RAD51B: variants seen among roughly 807,000 people sequenced by gnomAD.
The protein encoded by RAD51B is DNA repair protein RAD51 homolog 2.
A neutral mutation model predicts 42.2 loss-of-function variants in RAD51B; 38 were observed. That is an observed-to-expected ratio of 0.90 (90% CI 0.70 to 1.18). RAD51B has a LOEUF of 1.18. RAD51B is among the 50% of genes most tolerant of loss of function. The pLI is 0.00. For synonymous variants in RAD51B, 154 were observed against 145.2 expected (o/e 1.06, Z -0.43); for missense variants, 373 against 400.7 (o/e 0.93, Z 0.59).
chr14:68,175,381 T>C (rs764978881), intron 7 of RAD51B, among the ~76,000 whole-genome samples: 12 of 152,190 alleles, frequency 7.9e-5, no homozygotes, highest in African/African-American at 2.9e-4. Context: ...ATTTTATTCA[T>C]TGTAGGCAGG....
intron 10 of RAD51B, among the ~76,000 whole-genome samples, chr14:68,523,743 C>A (rs1282994293): frequency 6.6e-6 from 1 of 152,190 alleles, no homozygotes; most frequent in Admixed American, 6.5e-5. Context: ...GAAAGTTGTC[C>A]TCCATACACA....
At chr14:68,313,471 G>T (rs115479981) in intron 8 of RAD51B, among the ~76,000 whole-genome samples, 1 of 152,144 alleles carries the variant, frequency 6.6e-6, no homozygotes, top group East Asian at 1.9e-4. Context: ...CTGGGAAGCC[G>T]CCCAACTCCC....
chr14:68,078,662 A>G (rs1049172602), intron 7 of RAD51B, among the ~76,000 whole-genome samples: 1 of 152,178 alleles, frequency 6.6e-6, no homozygotes, highest in Non-Finnish European at 1.5e-5. Context: ...TAATACTTGA[A>G]TAAGTCATTG....
intron 10 of RAD51B, among the ~76,000 whole-genome samples, chr14:68,500,822 G>C (rs1057196570): frequency 1.3e-5 from 2 of 152,164 alleles, no homozygotes; most frequent in African/African-American, 4.8e-5. Flanking sequence ...AGCTTTCCCT[G>C]CTTTGCCACA....
At chr14:68,132,427 T>C (rs2077912717) in intron 7 of RAD51B, among the ~76,000 whole-genome samples, 1 of 152,198 alleles carries the variant, frequency 6.6e-6, no homozygotes, top group Non-Finnish European at 1.5e-5. Context: ...TGGAGGCATA[T>C]GTGTTTCAAC....
intron 10 of RAD51B, chr14:68,470,607 T>C (rs932282507): frequency 2.0e-6 from 1 of 505,688 alleles, no homozygotes; most frequent in Non-Finnish European, 3.9e-6. Flanking sequence ...AATTGATGAA[T>C]CACAACCAGC....
intron 8 of RAD51B, among the ~76,000 whole-genome samples, chr14:68,359,268 A>T (rs1385607931): frequency 3.3e-5 from 5 of 152,060 alleles, no homozygotes; most frequent in Non-Finnish European, 7.4e-5. Flanking sequence ...AAAAGACATA[A>T]AGCACACCTT....
chr14:68,066,364 T>A (rs902399722), intron 7 of RAD51B, among the ~76,000 whole-genome samples: 5 of 152,204 alleles, frequency 3.3e-5, no homozygotes, highest in Admixed American at 2.6e-4. Flanking sequence ...TTTTCTGTTT[T>A]AAAATTTTTT....
At chr14:68,530,218 A>C (rs1272304484) in intron 10 of RAD51B, among the ~76,000 whole-genome samples, 1 of 152,122 alleles carries the variant, frequency 6.6e-6, no homozygotes, top group South Asian at 2.1e-4. Context: ...CAGAGGCAGG[A>C]GGATCTCTTG....
intron 7 of RAD51B, among the ~76,000 whole-genome samples, chr14:68,248,857 C>T (rs543744458): frequency 6.8e-6 from 1 of 146,554 alleles, no homozygotes; most frequent in Non-Finnish European, 1.5e-5. Context: ...GCGGACACAG[C>T]CTGCAGGCAG....
intron 7 of RAD51B, among the ~76,000 whole-genome samples, chr14:68,139,394 G>A (rs1432713888): frequency 2.6e-5 from 4 of 152,042 alleles, no homozygotes; most frequent in African/African-American, 9.7e-5. Context: ...ACTCTTAAGA[G>A]GACAGTTCTT....
intron 7 of RAD51B, among the ~76,000 whole-genome samples, chr14:68,142,572 A>G (rs1355153268): frequency 6.6e-6 from 1 of 152,210 alleles, no homozygotes; most frequent in East Asian, 1.9e-4. Flanking sequence ...AGACATCTCC[A>G]AGGCCTAAAA....
chr14:67,923,637 C>T (rs992098349), intron 7 of RAD51B, among the ~76,000 whole-genome samples: 5 of 152,168 alleles, frequency 3.3e-5, no homozygotes, highest in Admixed American at 6.5e-5. Flanking sequence ...TATTGATGGG[C>T]ATTTGGGCTG....
intron 10 of RAD51B, chr14:68,628,386 A>C (rs933317366): frequency 6.6e-6 from 1 of 152,258 alleles, no homozygotes; most frequent in African/African-American, 2.4e-5. Flanking sequence ...CCGAGCGCAC[A>C]GGTCGCCGCG....
At chr14:68,641,467 T>C (rs1892458484) in intron 10 of RAD51B, among the ~76,000 whole-genome samples, 1 of 150,978 alleles carries the variant, frequency 6.6e-6, no homozygotes, top group South Asian at 2.1e-4. Context: ...TATTGCATTA[T>C]TTAGGACTTC....
chr14:68,268,809 G>T (rs759598271), intron 7 of RAD51B, among the ~76,000 whole-genome samples: 17 of 152,206 alleles, frequency 1.1e-4, no homozygotes, highest in Middle Eastern at 3.2e-3. Context: ...ATTTAGTAGA[G>T]ATGTAATAAG....
intron 9 of RAD51B, among the ~76,000 whole-genome samples, chr14:68,438,808 G>A (rs1236700699): frequency 6.6e-6 from 1 of 152,144 alleles, no homozygotes; most frequent in African/African-American, 2.4e-5. Context: ...AGAGGAGAGG[G>A]CCCTATGGAG....
intron 7 of RAD51B, among the ~76,000 whole-genome samples, chr14:67,927,870 A>G (rs1379809460): frequency 6.6e-6 from 1 of 150,636 alleles, no homozygotes; most frequent in Non-Finnish European, 1.5e-5. Context: ...TGATCATGGT[A>G]TGTTATCTTT....
intron 4 of RAD51B, among the ~76,000 whole-genome samples, chr14:67,846,513 C>T (rs2041621187): frequency 6.6e-6 from 1 of 152,142 alleles, no homozygotes; most frequent in African/African-American, 2.4e-5. Context: ...CATGTTCCTG[C>T]TGGCAAAGCA....
Sources: allele counts gnomAD v4.1 joint callset (sites outside exome capture counted in the v4.1 genomes callset), GRCh38; gene constraint gnomAD v4.1.1; transcripts MANE v1.5; gene names NCBI Gene and HGNC (gene_info 2026-07-23, HGNC 2026-07-21).